Variants in KLHL22 observed in about 807,000 individuals in gnomAD.
KLHL22 encodes the protein kelch-like protein 22.
Under a neutral mutation model 60.7 loss-of-function variants are expected in KLHL22, and 18 were observed. That is an observed-to-expected ratio of 0.30 (90% CI 0.20 to 0.44). The LOEUF (loss-of-function observed/expected upper bound fraction) is 0.44. KLHL22 is among the 20% of genes least tolerant of loss of function. The pLI is 1.00. For missense variants in KLHL22, 596 were observed against 852.3 expected (o/e 0.70, Z 3.74); for synonymous variants, 355 against 354.5 (o/e 1.00, Z -0.01).
chr22:20,452,081 C>T (rs1405849975), intron 5 of KLHL22, among the ~76,000 whole-genome samples: 1 of 151,998 alleles, frequency 6.6e-6, no homozygotes, highest in Non-Finnish European at 1.5e-5. Context: ...ACCTCTCCCA[C>T]TACTTTGGGG....
chr22:20,475,851 C>T (rs1430284176), intron 2 of KLHL22, among the ~76,000 whole-genome samples: 1 of 152,156 alleles, frequency 6.6e-6, no homozygotes, highest in Non-Finnish European at 1.5e-5. Context: ...CGTGAGTCAC[C>T]GCACCCAGCC....
chr22:20,495,281 G>A lies in KLHL22; in HGVS notation c.-34+479C>T, dbSNP rs1377636042. 6.6e-6 allele frequency among the ~76,000 whole-genome samples: 1 copy of A among 152,224 alleles called. No homozygotes were observed. Among genetic ancestry groups the A allele is most frequent in the Non-Finnish European group, 1.5e-5 (1 of 68,032 alleles). On this transcript the variant is annotated intron_variant, in intron 1 of 6. Coordinates refer to ENST00000328879, the MANE Select transcript of KLHL22 (RefSeq NM_032775.4). This position sits in a 1 kb window ranked among gnomAD's most constrained non-coding sequence, Gnocchi z 4.6. ...GATCTCCGGCTCCTCTCAGGAAACC[G>A]GGAGAGCTGGCAAGGCTGGGCTCCT...
At chr22:20,469,793 C>T (rs1217321005) in intron 3 of KLHL22, among the ~76,000 whole-genome samples, 2 of 150,222 alleles carry the variant, frequency 1.3e-5, no homozygotes, top group African/African-American at 4.9e-5. Context: ...TTTTTAATTG[C>T]GTCAAACCTG....
intron 3 of KLHL22, among the ~76,000 whole-genome samples, chr22:20,469,276 C>T (rs963632511): frequency 6.6e-6 from 1 of 151,968 alleles, no homozygotes; most frequent in Admixed American, 6.5e-5. Flanking sequence ...CTCACATGGA[C>T]GCAGGGAATT....
At chr22:20,460,451 A>G (rs574969394) in intron 4 of KLHL22, among the ~76,000 whole-genome samples, 1 of 152,088 alleles carries the variant, frequency 6.6e-6, no homozygotes, top group East Asian at 1.9e-4. Flanking sequence ...CACTAAAAAT[A>G]TAAAAAAATT....
chr22:20,495,319 C>T lies in KLHL22; in HGVS notation c.-34+441G>A, dbSNP rs942007779. Among the ~76,000 whole-genome samples the T allele has an allele frequency of 3.3e-5, 5 of 152,236 alleles. No homozygotes were observed. The highest frequency in any genetic ancestry group is 7.3e-5 in the Non-Finnish European group (5 of 68,034). On this transcript the variant is annotated intron_variant, in intron 1 of 6. Transcript: ENST00000328879. The surrounding 1 kb of genome is among the most constrained non-coding windows in gnomAD (Gnocchi z 4.6). ...AGGCTGGGCTCCTACGGCTGCAGTC[C>T]CCGGGCCCGATCGAGGGAACTGAGG...
At chr22:20,479,657 C>T (rs565950067) in intron 2 of KLHL22, among the ~76,000 whole-genome samples, 2 of 152,210 alleles carry the variant, frequency 1.3e-5, no homozygotes, top group Admixed American at 1.3e-4. Flanking sequence ...GATGGTGCCC[C>T]TGAACTCCAG....
rs764677279 is a variant in KLHL22, at chr22:20,446,640, T to C, written c.1342A>G (p.Met448Val). The part of the protein sequence containing the change: ...AHAGATLEGK[M>V]YITCGRRGED... ...CCTCTGCGGCCGCAGGTGATATACA[T>C]CTTCCCCTCCAGCGTCGCGCCTGCG... The change falls in exon 6 of 7, where the codon ATG (methionine) becomes GTG (valine). Residue 448 changes from methionine (M) to valine (V), a missense_variant. Coordinates refer to ENST00000328879, the MANE Select transcript of KLHL22 (RefSeq NM_032775.4). 6 of 1,613,074 alleles carry C rather than the reference T, an allele frequency of 3.7e-6. No individual in the cohort carries two copies. The highest frequency in any genetic ancestry group is 5.1e-6 in the Non-Finnish European group (6 of 1,180,028).
In KLHL22 at chr22:20,476,563, G is replaced by A. The variant is rs552600997; in HGVS notation, c.228-5048C>T. On this transcript the variant is annotated intron_variant, in intron 2 of 6. Coordinates refer to ENST00000328879, the MANE Select transcript of KLHL22 (RefSeq NM_032775.4). ...CGAGTAGCTGGGACTACAGGTGCCC[G>A]CCACGTCGCCCGGCTAATTTTTTGT... Among the ~76,000 whole-genome samples, 174 of 150,692 alleles carry A rather than the reference G, an allele frequency of 1.2e-3. 1 individual carries two copies. Among genetic ancestry groups the A allele is most frequent in the Middle Eastern group, 3.4e-3 (1 of 290 alleles).
At chr22:20,467,685 G>C (rs988419418) in intron 3 of KLHL22, among the ~76,000 whole-genome samples, 3 of 152,160 alleles carry the variant, frequency 2.0e-5, no homozygotes, top group Admixed American at 6.5e-5. Context: ...TTGAGATGGG[G>C]TCTCACTCTG....
intron 6 of KLHL22, among the ~76,000 whole-genome samples, chr22:20,443,225 C>T (rs1472725751): frequency 1.3e-5 from 2 of 152,174 alleles, no homozygotes; most frequent in East Asian, 1.9e-4. Context: ...ACTGATTAGC[C>T]GTTTTTGGTT....
chr22:20,463,980 A>G (rs165807), intron 4 of KLHL22, among the ~76,000 whole-genome samples: 81,826 of 152,070 alleles, frequency 0.54, 23,495 homozygotes, highest in Admixed American at 0.68. Context: ...TGCTGGAAAT[A>G]GTTGGCAATC....
chr22:20,448,911 A>G (rs570329857), intron 5 of KLHL22, among the ~76,000 whole-genome samples: 1 of 152,192 alleles, frequency 6.6e-6, no homozygotes, highest in Admixed American at 6.5e-5. Flanking sequence ...ATCCTGAGGT[A>G]GTTCTCTCAC....
At chr22:20,493,508 G>A (rs1001660064) in intron 1 of KLHL22, among the ~76,000 whole-genome samples, 2 of 152,208 alleles carry the variant, frequency 1.3e-5, no homozygotes, top group Non-Finnish European at 2.9e-5. Context: ...GTGGCCGGGC[G>A]CAGTGGCTCA....
chr22:20,470,823 GATGGATGCATGCATGC>G (rs1280881782), intron 3 of KLHL22, among the ~76,000 whole-genome samples: 116 of 142,906 alleles, frequency 8.1e-4, no homozygotes, highest in Non-Finnish European at 1.2e-3. Context: ...TGGATGGATG[GATGGATGCATGCATGC>G]ATGGATGGAT....
intron 6 of KLHL22, among the ~76,000 whole-genome samples, chr22:20,444,653 T>C (rs2052825454): frequency 6.6e-6 from 1 of 152,218 alleles, no homozygotes; most frequent in South Asian, 2.1e-4. Context: ...CAACTATTAC[T>C]TGTCATGTTA....
chr22:20,456,348 T>C (rs1453682605), intron 5 of KLHL22: 1 of 152,230 alleles, frequency 6.6e-6, no homozygotes, highest in Admixed American at 6.5e-5. Flanking sequence ...ACTTGGTACA[T>C]GGTGCTTAGT....
At chr22:20,447,523 T>C (rs1408478461) in intron 5 of KLHL22, among the ~76,000 whole-genome samples, 4 of 149,652 alleles carry the variant, frequency 2.7e-5, no homozygotes, top group Admixed American at 6.7e-5. Context: ...CTATCACCAG[T>C]AGGGGTCTGG....
At chr22:20,455,961 G>C (rs1359835239) in intron 5 of KLHL22, among the ~76,000 whole-genome samples, 5 of 152,122 alleles carry the variant, frequency 3.3e-5, no homozygotes, top group African/African-American at 1.2e-4. Flanking sequence ...GCTCTGACTC[G>C]GCCTTCAGAA....
Sources: allele counts gnomAD v4.1 joint callset (sites outside exome capture counted in the v4.1 genomes callset), GRCh38; gene constraint gnomAD v4.1.1; non-coding constraint Gnocchi (gnomAD v3.1); transcripts MANE v1.5; gene names NCBI Gene and HGNC (gene_info 2026-07-23, HGNC 2026-07-21).